The following PRKCB variants were observed in gnomAD, a reference collection of about 807,000 sequenced individuals.
PRKCB encodes protein kinase C beta, also known as protein kinase C beta type.
In PRKCB, 13 loss-of-function variants were observed where a neutral mutation model predicts 81.5. The observed-to-expected ratio is 0.16, with a 90% CI of 0.10 to 0.25. The LOEUF (loss-of-function observed/expected upper bound fraction) is 0.25, where lower values mean the gene tolerates loss of function less well. PRKCB is among the 10% of genes least tolerant of loss of function. PRKCB has a pLI of 1.00. For synonymous variants in PRKCB, 335 were observed against 321.4 expected (o/e 1.04, Z -0.45); for missense variants, 509 against 875.7 (o/e 0.58, Z 5.29).
At chr16:24,137,292 G>A (rs925810718) in intron 9 of PRKCB, among the ~76,000 whole-genome samples, 14 of 152,202 alleles carry the variant, frequency 9.2e-5, no homozygotes, top group African/African-American at 3.1e-4. Context: ...GGGCTCAAGC[G>A]ATCCTCCTGC....
chr16:24,027,692 A>G (rs7202459), intron 3 of PRKCB, among the ~76,000 whole-genome samples: 39,386 of 152,176 alleles, frequency 0.26, 5,233 homozygotes, highest in Middle Eastern at 0.36. Flanking sequence ...TAACAAGATA[A>G]GAAGCAACCG....
rs543947907 is a variant in PRKCB at position 24,186,516 on chromosome 16, C to G, written c.1722+949C>G. Among the ~76,000 whole-genome samples, 5 of 152,360 alleles carry G rather than the reference C, an allele frequency of 3.3e-5. No homozygotes were observed. In the East Asian group the frequency reaches 7.7e-4, roughly 23 times the overall value. On this transcript the variant is annotated intron_variant, in intron 15 of 16. Coordinates refer to ENST00000643927, the MANE Select transcript of PRKCB (RefSeq NM_002738.7). ...TAATAAAGGATTTGCTCTCCCTCCA[C>G]CCAGTGGTACAGGTTAGAACATGGC...
intron 16 of PRKCB, among the ~76,000 whole-genome samples, chr16:24,192,289 T>G (rs1003523184): frequency 6.6e-6 from 1 of 152,234 alleles, no homozygotes; most frequent in African/African-American, 2.4e-5. Flanking sequence ...ATCATGGTTT[T>G]CGTTAGCTGT....
chr16:24,056,274 C>A (rs931120417), intron 5 of PRKCB, among the ~76,000 whole-genome samples: 11 of 152,232 alleles, frequency 7.2e-5, no homozygotes, highest in African/African-American at 2.4e-4. Context: ...CTGACCTGGG[C>A]TAATCACCAT....
At chr16:24,012,141 C>T (rs1170817831) in intron 3 of PRKCB, among the ~76,000 whole-genome samples, 1 of 152,172 alleles carries the variant, frequency 6.6e-6, no homozygotes, top group Non-Finnish European at 1.5e-5. Context: ...CCCAGACATT[C>T]CTTCACCCTC....
intron 2 of PRKCB, among the ~76,000 whole-genome samples, chr16:23,936,941 A>T (rs1964069039): frequency 6.6e-6 from 1 of 152,120 alleles, no homozygotes; most frequent in Non-Finnish European, 1.5e-5. Flanking sequence ...ATCTTTAGCG[A>T]CGGGAAATTT....
At chr16:23,901,179 G>A (rs1963466798) in intron 2 of PRKCB, among the ~76,000 whole-genome samples, 1 of 152,142 alleles carries the variant, frequency 6.6e-6, no homozygotes, top group Admixed American at 6.5e-5. Flanking sequence ...GGGGCTCTGA[G>A]CACGTGAGCG....
chr16:24,137,716 T>C, intron 9 of PRKCB, among the ~76,000 whole-genome samples: 1 of 152,196 alleles, frequency 6.6e-6, no homozygotes. Flanking sequence ...ACAGTCCTGG[T>C]AAAATGAATC....
rs1292835383 is a variant in PRKCB, at chr16:24,162,441, ACTTT to A, written c.1239+7585_1239+7588del. On this transcript the variant is annotated intron_variant, in intron 10 of 16. Coordinates refer to ENST00000643927, the MANE Select transcript of PRKCB (RefSeq NM_002738.7). ...CAATAGCTCCAAAAAAACAGAGAAG[ACTTT>A]TTTTTTTTTTTTTTTTTTTTTGAGA... Among the ~76,000 whole-genome samples, 13 of 119,802 alleles carry A rather than the reference ACTTT, an allele frequency of 1.1e-4. 1 individual carries two copies. The highest frequency in any genetic ancestry group is 2.2e-4 in the Non-Finnish European group (13 of 59,074). The allele number at this position is 119,802 out of a possible 152,430, so 78.6% of individuals were successfully genotyped here.
chr16:23,853,448 A>G (rs545424244), intron 2 of PRKCB, among the ~76,000 whole-genome samples: 2 of 152,262 alleles, frequency 1.3e-5, no homozygotes, highest in South Asian at 4.1e-4. Context: ...CTCACATTCT[A>G]TTTGCCAGAA....
At chr16:24,016,079 A>T (rs1231758484) in intron 3 of PRKCB, among the ~76,000 whole-genome samples, 3 of 152,284 alleles carry the variant, frequency 2.0e-5, no homozygotes, top group South Asian at 4.1e-4. Flanking sequence ...TCACAAAACA[A>T]ATATTGTTAT....
chr16:23,925,441 A>T (rs969513459), intron 2 of PRKCB, among the ~76,000 whole-genome samples: 2 of 151,998 alleles, frequency 1.3e-5, no homozygotes, highest in African/African-American at 2.4e-5. Context: ...GTTAACCAGG[A>T]TGCCTGTGTT....
At chr16:23,882,781 T>A (rs1597226710) in intron 2 of PRKCB, among the ~76,000 whole-genome samples, 1 of 137,852 alleles carries the variant, frequency 7.3e-6, no homozygotes, top group Admixed American at 7.5e-5. Flanking sequence ...AGAGATGGGG[T>A]CTCCCTATGT....
At chr16:24,026,085 C>T (rs1419555146) in intron 3 of PRKCB, among the ~76,000 whole-genome samples, 1 of 152,086 alleles carries the variant, frequency 6.6e-6, no homozygotes, top group Non-Finnish European at 1.5e-5. Context: ...TCACTTGAGC[C>T]CAGGAGTTTG....
At chr16:24,037,170 G>A (rs1353755602) in intron 5 of PRKCB, among the ~76,000 whole-genome samples, 2 of 152,068 alleles carry the variant, frequency 1.3e-5, no homozygotes, top group African/African-American at 4.8e-5. Flanking sequence ...TGTATTTTTA[G>A]TAGAGACAGG....
chr16:23,854,167 G>A (rs1962523101), intron 2 of PRKCB, among the ~76,000 whole-genome samples: 1 of 151,692 alleles, frequency 6.6e-6, no homozygotes, highest in Non-Finnish European at 1.5e-5. Flanking sequence ...ATGAGATTTG[G>A]GTGGGGACAC....
At position 24,048,822 on chromosome 16, in the gene PRKCB, T is replaced by C. The variant is rs576209715; in HGVS notation, c.529+13275T>C. On this transcript the variant is annotated intron_variant, in intron 5 of 16. Coordinates refer to ENST00000643927, the MANE Select transcript of PRKCB (RefSeq NM_002738.7). ...AAAACCCTTCCAAATGCCTGGCTTT[T>C]GCTAGGAACTCTACAAGCGTTCCTT... Among the ~76,000 whole-genome samples, 10 of 152,246 alleles carry C rather than the reference T, an allele frequency of 6.6e-5. No homozygotes were observed. In the South Asian group the frequency reaches 1.9e-3, roughly 28 times the overall value.
chr16:23,987,439 T>C (rs1214043266), intron 2 of PRKCB, among the ~76,000 whole-genome samples: 2 of 151,830 alleles, frequency 1.3e-5, no homozygotes, highest in African/African-American at 4.8e-5. Context: ...CCCTGTGGTG[T>C]CATTTAATAT....
chr16:23,893,466 A>G (rs921853556), intron 2 of PRKCB: 3 of 152,238 alleles, frequency 2.0e-5, no homozygotes, highest in African/African-American at 7.2e-5. Context: ...AGTAGCCTTC[A>G]GTGGCCTCAG....
Sources: gnomAD v4.1 joint callset for allele counts (sites outside exome capture counted in the v4.1 genomes callset) on GRCh38, gnomAD v4.1.1 for gene constraint, MANE v1.5 for transcripts, NCBI Gene and HGNC (gene_info 2026-07-23, HGNC 2026-07-21) for gene names.